The following PDE4C variants were observed in gnomAD, a reference collection of about 807,000 sequenced individuals.
PDE4C encodes 3',5'-cyclic-AMP phosphodiesterase 4C.
In PDE4C, 50 loss-of-function variants were observed where a neutral mutation model predicts 63.9. That is an observed-to-expected ratio of 0.78 (90% CI 0.62 to 0.99). The LOEUF (loss-of-function observed/expected upper bound fraction) is 0.99. Ranked by LOEUF, PDE4C falls within the 50% of genes least tolerant of loss-of-function variation. The probability of loss-of-function intolerance (pLI) is 0.00; values close to 1 mark genes in which losing one functional copy is unlikely to be tolerated. For missense variants in PDE4C, 777 were observed against 899.1 expected, an observed-to-expected ratio of 0.86 and a Z score of 1.74; for synonymous variants, 377 against 385.1, an observed-to-expected ratio of 0.98 and a Z score of 0.25.
At chr19:18,211,799 G>A in exon 14 of PDE4C, 1 of 1,614,208 alleles carries the variant, frequency 6.2e-7, no homozygotes, top group Middle Eastern at 1.6e-4. Flanking sequence ...GTCACACATG[G>A]GACTGATGTC....
chr19:18,225,169 C>G (rs1029080821), intron 1 of PDE4C, among the ~76,000 whole-genome samples: 2 of 152,052 alleles, frequency 1.3e-5, no homozygotes, highest in Non-Finnish European at 2.9e-5. Context: ...GGGGGTAGAG[C>G]CCCCCGGCTG....
chr19:18,251,830 C>A (rs535559468), upstream of PDE4C, among the ~76,000 whole-genome samples: 10 of 152,082 alleles, frequency 6.6e-5, no homozygotes, highest in Admixed American at 6.6e-4. Flanking sequence ...CCTGTCTCCC[C>A]ACCACAGCAA....
At chr19:18,229,242 C>T (rs995512875), upstream of PDE4C, among the ~76,000 whole-genome samples, 7 of 151,156 alleles carry the variant, frequency 4.6e-5, no homozygotes, top group African/African-American at 1.7e-4. Flanking sequence ...AGCCACTGTC[C>T]CTGGCCTTAC....
intron 12 of PDE4C, 68 bp from the exon 13 acceptor site, chr19:18,213,558 C>G: frequency 6.5e-7 from 1 of 1,526,806 alleles, no homozygotes. Flanking sequence ...CTCCCAACTC[C>G]CAGATGCCAC....
chr19:18,216,991 T>A, intron 11 of PDE4C, 96 bp from the exon 12 acceptor site: 3 of 1,392,860 alleles, frequency 2.2e-6, no homozygotes, highest in Non-Finnish European at 2.9e-6. Flanking sequence ...CTCCTACCCA[T>A]GCGTTGAAGG....
chr19:18,214,118 CATG>C (rs1255044997), intron 12 of PDE4C, among the ~76,000 whole-genome samples: 2 of 152,058 alleles, frequency 1.3e-5, no homozygotes, highest in Non-Finnish European at 2.9e-5. Context: ...GTTAGCCTGG[CATG>C]GTGGTGGGCA....
In PDE4C at chr19:18,220,349, T is replaced by C; in HGVS notation, c.613-30A>G. The C allele has an allele frequency of 6.2e-7, 1 of 1,613,348 alleles. No individual in the cohort carries two copies. The highest frequency in any genetic ancestry group is 8.5e-7 in the Non-Finnish European group (1 of 1,179,304). ...GGCGGAGAGAAGGTGAAGACCGTGA[T>C]GATGGGGCACCGTGGGCCGAGGCAG... On this transcript the variant is annotated intron_variant, in intron 6 of 14. Transcript: ENST00000262805. This position sits in a 1 kb window ranked among gnomAD's most constrained non-coding sequence, Gnocchi z 5.1.
exon 11 of PDE4C, chr19:18,218,248 C>A: frequency 6.2e-7 from 1 of 1,614,190 alleles, no homozygotes; most frequent in Non-Finnish European, 8.5e-7. Flanking sequence ...GTGAACACAG[C>A]CTGAGCAGGC....
chr19:18,225,123 C>T (rs1028623182), intron 1 of PDE4C, among the ~76,000 whole-genome samples: 1 of 152,134 alleles, frequency 6.6e-6, no homozygotes, highest in Non-Finnish European at 1.5e-5. Flanking sequence ...CCGGGAGCGG[C>T]GGGGTCAGGC....
At chr19:18,241,082 C>A (rs980830510) in intron 1 of PDE4C, among the ~76,000 whole-genome samples, 1 of 151,954 alleles carries the variant, frequency 6.6e-6, no homozygotes, top group African/African-American at 2.4e-5. Context: ...GGCAGAAATG[C>A]AAGTGCTCTA....
chr19:18,226,383 G>A lies in PDE4C; in HGVS notation c.33C>T (p.Pro11=), dbSNP rs1373921770. 7 of 1,466,642 alleles carry A rather than the reference G, an allele frequency of 4.8e-6. No individual in the cohort carries two copies. In the African/African-American group the frequency reaches 5.9e-5, roughly 12 times the overall value. 90.9% of individuals were successfully genotyped at this position (1,466,642 alleles called of 1,614,324 possible). A position where few individuals can be genotyped will look rare whatever the true frequency, so the allele number is the denominator to read the frequency against. Residue 11 remains proline, a synonymous_variant, in exon 1 of 15, where the codon CCC becomes CCT. Transcript: ENST00000262805. ...GGGATCCCCGAGGGGAGCCGGGCCC[G>A]GGGACCGGGGCGGGCGCGGGGGGGC...
Position 18,222,310 on chromosome 19 carries a change from T to C in PDE4C, c.160A>G (p.Asn54Asp), listed in dbSNP as rs767684989. The change falls in exon 2 of 15, where the codon AAT (asparagine) becomes GAT (aspartate). Residue 54 changes from asparagine to aspartate, a missense_variant. This residue lies in a region of PDE4C where 249 missense variants were observed against 247.8 expected (regional missense o/e 1.00). Transcript: ENST00000262805. ...GCCCTCCTCCCACACGAGAGCCCATTTTCCAGGTCAAAGCTGAAAGGAGAG... is the reference window on the plus strand; with the variant it reads ...GCCCTCCTCCCACACGAGAGCCCATCTTCCAGGTCAAAGCTGAAAGGAGAG... The C allele has an allele frequency of 1.8e-5, 29 of 1,610,094 alleles. No homozygotes were observed. The South Asian group carries it at 3.1e-4, about 17-fold the overall frequency.
chr19:18,248,696 G>A (rs1451100438), upstream of PDE4C, among the ~76,000 whole-genome samples: 3 of 152,040 alleles, frequency 2.0e-5, no homozygotes, highest in Non-Finnish European at 4.4e-5. Context: ...AAAGTTGCCC[G>A]CTGTGCTGTG....
intron 1 of PDE4C, 52 bp from the exon 2 acceptor site, chr19:18,222,375 C>T (rs2148031566): frequency 1.3e-6 from 2 of 1,533,826 alleles, no homozygotes; most frequent in Non-Finnish European, 1.8e-6. Context: ...AACTGGGTGC[C>T]GGGTCGTGGC....
At chr19:18,216,609 C>T in intron 12 of PDE4C, 132 bp downstream of exon 12, 2 of 865,770 alleles carry the variant, frequency 2.3e-6, no homozygotes, top group East Asian at 2.6e-5. Flanking sequence ...GAAGCTCAGA[C>T]AGAGTGAGGA....
chr19:18,233,470 C>T (rs888836336), exon 1 of PDE4C: 8 of 674,548 alleles, frequency 1.2e-5, no homozygotes, highest in Non-Finnish European at 1.9e-5. Flanking sequence ...GAGACCCCCC[C>T]CCAACACACC....
chr19:18,233,323 A>C (rs910653240), exon 1 of PDE4C: 41 of 1,283,354 alleles, frequency 3.2e-5, no homozygotes, highest in Admixed American at 3.2e-4. Flanking sequence ...TCCGCGCCGG[A>C]GGTGCTGAAG....
chr19:18,239,076 G>A (rs572618965), intron 1 of PDE4C, among the ~76,000 whole-genome samples: 1 of 152,202 alleles, frequency 6.6e-6, no homozygotes, highest in South Asian at 2.1e-4. Context: ...AACATTTTCT[G>A]CACAATCACC....
intron 1 of PDE4C, chr19:18,224,289 C>T: frequency 1.0e-6 from 1 of 985,508 alleles, no homozygotes; most frequent in Non-Finnish European, 1.2e-6. Context: ...AGGAAGACAA[C>T]CGGGACCGCC....
Sources: gnomAD v4.1 joint callset for allele counts (sites outside exome capture counted in the v4.1 genomes callset) on GRCh38, gnomAD v4.1.1 for gene constraint, gnomAD v4.1.1 regional missense constraint, Gnocchi (gnomAD v3.1) non-coding constraint, MANE v1.5 for transcripts, NCBI Gene and HGNC (gene_info 2026-07-23, HGNC 2026-07-21) for gene names.